The following DLG2 variants were observed in gnomAD, a reference collection of about 807,000 sequenced individuals.
DLG2 encodes the protein disks large homolog 2.
DLG2 carries 45 observed loss-of-function variants against 132.5 expected under a neutral mutation model. The ratio of observed to expected loss-of-function variants is 0.34; its 90% confidence interval spans 0.27 to 0.44. DLG2 has a LOEUF of 0.44. Among genes scored for constraint, DLG2 ranks in the 20% least tolerant of loss-of-function variants. The pLI, the probability that DLG2 is intolerant of heterozygous loss-of-function variation, is 1.00. For synonymous variants in DLG2, 424 were observed against 419.6 expected (o/e 1.01, Z -0.13); for missense variants, 1,045 against 1,196.9 (o/e 0.87, Z 1.87).
chr11:83,516,620 C>T lies in DLG2; in HGVS notation c.2193+16088G>A, dbSNP rs185119649. Among the ~76,000 whole-genome samples, 1,054 of 152,310 alleles carry T rather than the reference C, an allele frequency of 6.9e-3. 17 individuals are homozygous for T. Among genetic ancestry groups the T allele is most frequent in the African/African-American group, 0.025 (1,021 of 41,552 alleles). ...AGTTGATGCAGTTTCCTCTTAGCCTCAACGGTCTTTACAATTTGGCATGAT... is the reference window on the plus strand; with the variant it reads ...AGTTGATGCAGTTTCCTCTTAGCCTTAACGGTCTTTACAATTTGGCATGAT... On this transcript the variant is annotated intron_variant, in intron 21 of 27. Coordinates refer to ENST00000376104, the MANE Select transcript of DLG2 (RefSeq NM_001142699.3).
At chr11:83,836,712 A>C (rs1004868281) in intron 16 of DLG2, among the ~76,000 whole-genome samples, 1 of 152,218 alleles carries the variant, frequency 6.6e-6, no homozygotes, top group East Asian at 1.9e-4. Flanking sequence ...TCTGCCTACC[A>C]CTATCAGAGA....
intron 6 of DLG2, among the ~76,000 whole-genome samples, chr11:84,828,316 C>A (rs1031539678): frequency 1.3e-5 from 2 of 151,744 alleles, no homozygotes; most frequent in Admixed American, 6.6e-5. Context: ...AATTCTCCAG[C>A]CATTTCTGTT....
intron 18 of DLG2, among the ~76,000 whole-genome samples, chr11:83,704,583 G>T (rs2083546478): frequency 6.6e-6 from 1 of 151,112 alleles, no homozygotes; most frequent in African/African-American, 2.4e-5. Flanking sequence ...TTGGGAGGCT[G>T]AGGCAGGTGG....
intron 3 of DLG2, among the ~76,000 whole-genome samples, chr11:85,439,223 G>A (rs539156940): frequency 5.3e-5 from 8 of 152,168 alleles, no homozygotes; most frequent in Middle Eastern, 3.4e-3. Context: ...TTCCCACAGC[G>A]GCTGTGCTAT....
At chr11:84,636,955 T>G (rs1213732589) in intron 6 of DLG2, among the ~76,000 whole-genome samples, 1 of 152,016 alleles carries the variant, frequency 6.6e-6, no homozygotes, top group Non-Finnish European at 1.5e-5. Context: ...TAATTTTTTT[T>G]TTTTTCCGTT....
chr11:84,564,599 T>C (rs2099443357), intron 6 of DLG2, among the ~76,000 whole-genome samples: 1 of 152,222 alleles, frequency 6.6e-6, no homozygotes, highest in African/African-American at 2.4e-5. Context: ...CATAATGTCG[T>C]CTAACTAATA....
chr11:84,373,182 T>A (rs2098712934), intron 7 of DLG2, among the ~76,000 whole-genome samples: 1 of 143,756 alleles, frequency 7.0e-6, no homozygotes, highest in African/African-American at 2.6e-5. Context: ...TCCAGACGAC[T>A]ATCTGGATGA....
At chr11:84,562,144 A>C (rs1395667759) in intron 6 of DLG2, among the ~76,000 whole-genome samples, 1 of 152,120 alleles carries the variant, frequency 6.6e-6, no homozygotes, top group Non-Finnish European at 1.5e-5. Context: ...TTGATCTAGA[A>C]GGAACTCCAA....
intron 6 of DLG2, among the ~76,000 whole-genome samples, chr11:84,929,822 A>C (rs2047886584): frequency 6.6e-6 from 1 of 152,134 alleles, no homozygotes; most frequent in Non-Finnish European, 1.5e-5. Context: ...TAAAGAGGGT[A>C]GTACTGGCCT....
chr11:84,296,285 C>A (rs955215920), intron 7 of DLG2, among the ~76,000 whole-genome samples: 1 of 152,008 alleles, frequency 6.6e-6, no homozygotes, highest in African/African-American at 2.4e-5. Flanking sequence ...ACAACAGACA[C>A]AGGCCTGTGA....
chr11:83,927,977 T>A (rs1003246396), intron 15 of DLG2, among the ~76,000 whole-genome samples: 1 of 152,074 alleles, frequency 6.6e-6, no homozygotes, highest in Non-Finnish European at 1.5e-5. Flanking sequence ...ATTTACTAAG[T>A]TGAGGAAGTA....
At chr11:83,686,579 T>A (rs933995215) in intron 18 of DLG2, among the ~76,000 whole-genome samples, 27 of 151,858 alleles carry the variant, frequency 1.8e-4, no homozygotes, top group Admixed American at 1.6e-3. Flanking sequence ...TAAATGAATG[T>A]TATATGTAAT....
intron 6 of DLG2, among the ~76,000 whole-genome samples, chr11:84,922,362 G>A (rs1319467376): frequency 6.6e-6 from 1 of 152,130 alleles, no homozygotes; most frequent in Non-Finnish European, 1.5e-5. Context: ...CCGGCTCAGT[G>A]CTGAATGAAC....
At chr11:84,421,949 T>C (rs1403069357) in intron 7 of DLG2, among the ~76,000 whole-genome samples, 1 of 152,172 alleles carries the variant, frequency 6.6e-6, no homozygotes, top group Admixed American at 6.5e-5. Context: ...CTCCACTCCT[T>C]TCTGTCTACT....
intron 9 of DLG2, among the ~76,000 whole-genome samples, chr11:84,102,722 G>T (rs944036455): frequency 6.6e-6 from 1 of 152,130 alleles, no homozygotes; most frequent in African/African-American, 2.4e-5. Context: ...GATATAGGAA[G>T]TCTGCTCTTG....
At chr11:84,381,161 T>G (rs2154434105) in intron 7 of DLG2, among the ~76,000 whole-genome samples, 1 of 152,170 alleles carries the variant, frequency 6.6e-6, no homozygotes, top group African/African-American at 2.4e-5. Flanking sequence ...CAATCATAAC[T>G]TATTAAACTT....
At chr11:84,271,949 C>CAAAAAAAAAAAAAAAA (rs71036417) in intron 7 of DLG2, among the ~76,000 whole-genome samples, 2 of 77,794 alleles carry the variant, frequency 2.6e-5, no homozygotes, top group Non-Finnish European at 5.2e-5. Context: ...TTGATAATAA[C>CAAAAAAAAAAAAAAAA]AAAAAAAAAA....
chr11:85,174,001 G>A (rs1012453504), intron 4 of DLG2, among the ~76,000 whole-genome samples: 1 of 152,120 alleles, frequency 6.6e-6, no homozygotes, highest in South Asian at 2.1e-4. Flanking sequence ...AAGAGACTTA[G>A]ACTCTCAAAG....
chr11:85,612,307 T>C lies in DLG2; in HGVS notation c.-92-13519A>G, dbSNP rs1292333534. Among the ~76,000 whole-genome samples the C allele has an allele frequency of 4.6e-5, 7 of 152,194 alleles. No homozygotes were observed. The East Asian group carries it at 1.2e-3, about 25-fold the overall frequency. ...CCCAACAAGGGATCTAAATCTTAAC[T>C]AATTATCATACGAAGGTCTGACCAG... On this transcript the variant is annotated intron_variant, in intron 2 of 27. Coordinates refer to ENST00000376104, the MANE Select transcript of DLG2 (RefSeq NM_001142699.3).
Sources: gnomAD v4.1 joint callset for allele counts (sites outside exome capture counted in the v4.1 genomes callset) on GRCh38, gnomAD v4.1.1 for gene constraint, MANE v1.5 for transcripts, NCBI Gene and HGNC (gene_info 2026-07-23, HGNC 2026-07-21) for gene names.